ITGAE: variants seen among roughly 807,000 people sequenced by gnomAD.
ITGAE encodes the protein integrin subunit alpha E, also known as integrin alpha-E.
A neutral mutation model predicts 136.5 loss-of-function variants in ITGAE; 99 were observed. That is an observed-to-expected ratio of 0.73 (90% confidence interval 0.62 to 0.86). The LOEUF is 0.86. ITGAE is among the 40% of genes least tolerant of loss of function. The probability of loss-of-function intolerance (pLI) is 0.00; values close to 1 mark genes in which losing one functional copy is unlikely to be tolerated. For synonymous variants in ITGAE, 613 were observed against 591.8 expected (o/e 1.04, Z -0.52); for missense variants, 1,447 against 1,515.3 (o/e 0.95, Z 0.75).
At chr17:3,735,825 T>G (rs1034200231) in intron 20 of ITGAE, among the ~76,000 whole-genome samples, 1 of 152,074 alleles carries the variant, frequency 6.6e-6, no homozygotes, top group Admixed American at 6.6e-5. Flanking sequence ...CCCTGTGAAA[T>G]AGTACAGCTA....
chr17:3,736,565 C>T (rs763847346), intron 20 of ITGAE, among the ~76,000 whole-genome samples: 5 of 152,122 alleles, frequency 3.3e-5, no homozygotes, highest in Non-Finnish European at 4.4e-5. Context: ...ATCATTCAGA[C>T]CCTTCCCATT....
At chr17:3,744,279 C>T (rs1168353561) in intron 18 of ITGAE, among the ~76,000 whole-genome samples, 3 of 152,106 alleles carry the variant, frequency 2.0e-5, no homozygotes, top group South Asian at 2.1e-4. Context: ...TGAAGGGACA[C>T]GTCCTTCAAG....
rs1310844664 is a variant in ITGAE, at chr17:3,723,354, A to G, written c.3171T>C (p.Cys1057=). 6.2e-7 allele frequency: 1 copy of G among 1,613,854 alleles called. No individual in the cohort carries two copies. Among genetic ancestry groups the G allele is most frequent in the Admixed American group, 1.7e-5 (1 of 60,030 alleles). The part of the protein sequence containing the change: ...QHVEEWHSVS[C]VIASDKENVT... ...CATTTTCTTTATCTGAAGCGATGACACAGCTCACTGAATGCCATTCTTCCA... is the reference window on the plus strand; with the variant it reads ...CATTTTCTTTATCTGAAGCGATGACGCAGCTCACTGAATGCCATTCTTCCA... The change falls in exon 28 of 31, where the codon TGT becomes TGC. Residue 1057 remains cysteine, a synonymous_variant. Transcript: ENST00000263087.
At chr17:3,726,269 C>G in intron 26 of ITGAE, 1 of 1,614,194 alleles carries the variant, frequency 6.2e-7, no homozygotes, top group Non-Finnish European at 8.5e-7. Flanking sequence ...AGGAGTTCCA[C>G]AGGACAATGC....
chr17:3,749,198 C>T (rs2051797241), intron 16 of ITGAE, among the ~76,000 whole-genome samples: 1 of 149,808 alleles, frequency 6.7e-6, no homozygotes, highest in African/African-American at 2.5e-5. Context: ...AGACAGAAAG[C>T]CTGAGGGCAG....
At chr17:3,787,990 T>TA (rs149171943) in intron 1 of ITGAE, among the ~76,000 whole-genome samples, 4,468 of 152,148 alleles carry the variant, frequency 0.029, 83 homozygotes, top group East Asian at 0.045. Context: ...CACCTGGTTT[T>TA]AATTTGCCTT....
In ITGAE at chr17:3,774,621, T is replaced by G. The variant is rs527624648; in HGVS notation, c.155+2919A>C. Among the ~76,000 whole-genome samples, 44 of 151,996 alleles carry G rather than the reference T, an allele frequency of 2.9e-4. No individual in the cohort carries two copies. In the East Asian group the frequency reaches 7.8e-3, roughly 27 times the overall value. On this transcript the variant is annotated intron_variant, in intron 2 of 30. Coordinates refer to ENST00000263087, the MANE Select transcript of ITGAE (RefSeq NM_002208.5). ...TCTACTAAAAATACAAAAAATTAGC[T>G]GGGCGTGGTGGCGGGCGCCTGTAAT...
chr17:3,743,683 C>CT lies in ITGAE; in HGVS notation c.2320-67dup, dbSNP rs10642081. 7.3e-4 allele frequency: 1,007 copies of CT among 1,379,064 alleles called. 16 individuals are homozygous for CT. The South Asian group carries it at 0.011, about 16-fold the overall frequency. 85.4% of individuals were successfully genotyped at this position (1,379,064 alleles called of 1,614,324 possible). A position where few individuals can be genotyped will look rare whatever the true frequency, so the allele number is the denominator to read the frequency against. ...GGGGGAGAAGATGACAACAATAATG[C>CT]TTTTTTTCTTTTTCTTTTTTTCTTT... is the stretch of plus-strand genomic sequence containing the variant. On this transcript the variant is annotated intron_variant, in intron 18 of 30. Transcript: ENST00000263087.
At chr17:3,721,260 CTTTTTTTTTTTTTTTTTTTTT>C (rs869087347) in intron 28 of ITGAE, among the ~76,000 whole-genome samples, 1 of 46,200 alleles carries the variant, frequency 2.2e-5, no homozygotes, top group South Asian at 1.2e-3. Flanking sequence ...GAGATTTTTC[CTTTTTTTTTTTTTTTTTTTTT>C]TTTTTTTTGA....
intron 28 of ITGAE, among the ~76,000 whole-genome samples, chr17:3,723,079 G>A (rs187803940): frequency 6.6e-6 from 1 of 152,352 alleles, no homozygotes; most frequent in Non-Finnish European, 1.5e-5. Flanking sequence ...GGAGTCACAG[G>A]TAATCCCTCG....
At chr17:3,715,521 C>G (rs2737126) in intron 30 of ITGAE, among the ~76,000 whole-genome samples, 46,122 of 151,826 alleles carry the variant, frequency 0.3, 9,150 homozygotes, top group African/African-American at 0.56. Context: ...CCTACGCGTA[C>G]GCAGAGGCAC....
chr17:3,716,910 G>C (rs2050955029), intron 29 of ITGAE, 112 bp from the exon 30 acceptor site: 8 of 637,198 alleles, frequency 1.3e-5, no homozygotes, highest in Non-Finnish European at 2.2e-5. Flanking sequence ...CCCGTGTATT[G>C]ATCAAAGCTG....
At chr17:3,749,348 G>A (rs546273301) in intron 16 of ITGAE, among the ~76,000 whole-genome samples, 4 of 151,898 alleles carry the variant, frequency 2.6e-5, no homozygotes, top group South Asian at 4.2e-4. Context: ...TCCGCCTCCC[G>A]GGTTCACCAT....
chr17:3,777,681 T>C, intron 1 of ITGAE, 21 bp from the exon 2 acceptor site: 1 of 1,592,846 alleles, frequency 6.3e-7, no homozygotes, highest in South Asian at 1.1e-5. Flanking sequence ...AAGAGGAGCG[T>C]TTAATGAAAG....
In ITGAE at chr17:3,761,075, G is replaced by T. The variant is rs1410643771; in HGVS notation, c.536C>A (p.Ala179Asp). The T allele has an allele frequency of 6.2e-7, 1 of 1,610,630 alleles. No homozygotes were observed. Residue 179 changes from alanine (A) to aspartate (D), a missense_variant, in exon 6 of 31, where the codon GCT becomes GAT. Transcript: ENST00000263087. ...DDVNTARQRR[A>D]LEKEEEEDKE... ...GTCTTCCTCCTCCTCCTTCTCCAGA[G>T]CCCGGCGCTGCCTGGCTGTGTTCAC...
chr17:3,751,260 G>A (rs2051857261), intron 15 of ITGAE, among the ~76,000 whole-genome samples: 1 of 151,888 alleles, frequency 6.6e-6, no homozygotes, highest in Non-Finnish European at 1.5e-5. Context: ...TGGCAAGGGA[G>A]CCCTGGGGAA....
At chr17:3,744,386 G>T (rs960267556) in intron 18 of ITGAE, among the ~76,000 whole-genome samples, 2 of 151,390 alleles carry the variant, frequency 1.3e-5, no homozygotes, top group Non-Finnish European at 2.9e-5. Context: ...AAGGGGTAAA[G>T]AACTGGCTCA....
At chr17:3,787,053 A>G (rs2052816095) in intron 1 of ITGAE, among the ~76,000 whole-genome samples, 1 of 152,172 alleles carries the variant, frequency 6.6e-6, no homozygotes, top group South Asian at 2.1e-4. Context: ...GGCATCTGAT[A>G]AAATCCAAGA....
In ITGAE at chr17:3,761,020, C is replaced by CTCCTCCTCCTCGTCT; in HGVS notation, c.576_590dup (p.Asp193_Glu197dup). On this transcript the variant is annotated inframe_insertion, in exon 6 of 31. Transcript: ENST00000263087. ...AGATCTGCCTCTTCTCACCAGCTTC[C>CTCCTCCTCCTCGTCT]TCCTCCTCCTCGTCTTCCTCCTCCT... 1.3e-6 allele frequency: 2 copies of CTCCTCCTCCTCGTCT among 1,594,400 alleles called. No individual in the cohort carries two copies. The highest frequency in any genetic ancestry group is 1.7e-6 in the Non-Finnish European group (2 of 1,175,250).
Sources: allele counts gnomAD v4.1 joint callset (sites outside exome capture counted in the v4.1 genomes callset), GRCh38; gene constraint gnomAD v4.1.1; transcripts MANE v1.5; gene names NCBI Gene and HGNC (gene_info 2026-07-23, HGNC 2026-07-21).